Variants in SCHIP1 observed in about 807,000 individuals in gnomAD.
The protein encoded by SCHIP1 is schwannomin-interacting protein 1.
Under a neutral mutation model 29.7 loss-of-function variants are expected in SCHIP1, and 8 were observed. The ratio of observed to expected loss-of-function variants is 0.27; its 90% confidence interval spans 0.16 to 0.49. The LOEUF is 0.49. Among genes scored for constraint, SCHIP1 ranks in the 20% least tolerant of loss-of-function variants. The probability of loss-of-function intolerance (pLI) is 0.99; values close to 1 mark genes in which losing one functional copy is unlikely to be tolerated. For synonymous variants in SCHIP1, 76 were observed against 94.9 expected (o/e 0.80, Z 1.16); for missense variants, 193 against 294.6 (o/e 0.66, Z 2.52).
At chr3:159,852,350 C>A (rs1712759334) in intron 1 of SCHIP1, among the ~76,000 whole-genome samples, 1 of 152,188 alleles carries the variant, frequency 6.6e-6, no homozygotes, top group African/African-American at 2.4e-5. Flanking sequence ...TGACCTATTT[C>A]TCCTGCAAAC....
the SCHIP1 span, among the ~76,000 whole-genome samples, chr3:159,383,672 G>A: frequency 8.4e-6 from 1 of 119,402 alleles, no homozygotes; most frequent in Non-Finnish European, 1.9e-5. Flanking sequence ...GATGGGGATG[G>A]CATTGAATCT....
the SCHIP1 span, among the ~76,000 whole-genome samples, chr3:159,588,758 A>G: frequency 6.6e-6 from 1 of 152,180 alleles, no homozygotes. Context: ...CAGGTTTGTC[A>G]AAGATCATAT....
chr3:159,829,895 G>A, the SCHIP1 span, among the ~76,000 whole-genome samples: 1 of 152,208 alleles, frequency 6.6e-6, no homozygotes, highest in Non-Finnish European at 1.5e-5. Flanking sequence ...TACTGTTATA[G>A]ATTAATGACC....
the SCHIP1 span, among the ~76,000 whole-genome samples, chr3:159,747,188 G>A: frequency 1.3e-5 from 2 of 152,168 alleles, no homozygotes; most frequent in African/African-American, 4.8e-5. Context: ...TCTCCTTAAA[G>A]TAGCACCTCC....
the SCHIP1 span, among the ~76,000 whole-genome samples, chr3:159,490,056 G>A: frequency 1.3e-5 from 2 of 152,234 alleles, no homozygotes; most frequent in African/African-American, 4.8e-5. Context: ...CAATGAGAAT[G>A]TATTCATGTA....
chr3:159,616,466 T>C, the SCHIP1 span, among the ~76,000 whole-genome samples: 1 of 152,178 alleles, frequency 6.6e-6, no homozygotes, highest in African/African-American at 2.4e-5. Context: ...CCTATTCCTC[T>C]TCTGACAGAG....
chr3:159,302,943 C>T, the SCHIP1 span, among the ~76,000 whole-genome samples: 1 of 152,102 alleles, frequency 6.6e-6, no homozygotes, highest in African/African-American at 2.4e-5. Flanking sequence ...GTTGAACACC[C>T]TAATAAGGAA....
At chr3:159,352,318 G>A in the SCHIP1 span, among the ~76,000 whole-genome samples, 1 of 152,122 alleles carries the variant, frequency 6.6e-6, no homozygotes, top group Admixed American at 6.5e-5. Context: ...CTGCATATGC[G>A]ATTTTCACTG....
At chr3:159,483,348 C>A in the SCHIP1 span, among the ~76,000 whole-genome samples, 3 of 152,112 alleles carry the variant, frequency 2.0e-5, no homozygotes, top group Non-Finnish European at 4.4e-5. Context: ...ACGAGAACAA[C>A]CTGAAGGACA....
At chr3:159,443,241 A>G in the SCHIP1 span, among the ~76,000 whole-genome samples, 5 of 152,226 alleles carry the variant, frequency 3.3e-5, no homozygotes, top group Admixed American at 2.0e-4. Flanking sequence ...ACTGGGAGGA[A>G]CATAAATCTT....
chr3:159,594,416 T>A, the SCHIP1 span, among the ~76,000 whole-genome samples: 1 of 152,184 alleles, frequency 6.6e-6, no homozygotes, highest in Admixed American at 6.5e-5. Context: ...GTAAAGTCAA[T>A]TGAAGGAAGT....
chr3:159,805,907 C>T, the SCHIP1 span, among the ~76,000 whole-genome samples: 2 of 150,882 alleles, frequency 1.3e-5, no homozygotes, highest in Middle Eastern at 6.9e-3. Context: ...CTCCCAGGTT[C>T]GAGCAATTCT....
At chr3:159,528,023 A>T in the SCHIP1 span, among the ~76,000 whole-genome samples, 2 of 152,224 alleles carry the variant, frequency 1.3e-5, no homozygotes, top group Admixed American at 6.5e-5. Flanking sequence ...GTCAAATTTT[A>T]TATGTCTATT....
chr3:159,501,673 A>G, the SCHIP1 span, among the ~76,000 whole-genome samples: 3 of 152,230 alleles, frequency 2.0e-5, no homozygotes, highest in Non-Finnish European at 4.4e-5. Context: ...ATGATTACTC[A>G]ATTTCATACA....
the SCHIP1 span, among the ~76,000 whole-genome samples, chr3:159,736,685 T>G: frequency 6.6e-6 from 1 of 151,790 alleles, no homozygotes; most frequent in Non-Finnish European, 1.5e-5. Flanking sequence ...GCACCGGGGC[T>G]GCACTGGGGA....
the SCHIP1 span, among the ~76,000 whole-genome samples, chr3:159,626,244 CTATCTATA>C: frequency 0.013 from 1,147 of 91,688 alleles, 76 homozygotes; most frequent in African/African-American, 0.078. Context: ...ATATATCTAT[CTATCTATA>C]TAGATAGATA....
At chr3:159,420,833 G>A in the SCHIP1 span, among the ~76,000 whole-genome samples, 1 of 152,178 alleles carries the variant, frequency 6.6e-6, no homozygotes, top group African/African-American at 2.4e-5. Flanking sequence ...TGGCCACAGT[G>A]GGCAATTGGT....
At chr3:159,815,742 GT>G in the SCHIP1 span, among the ~76,000 whole-genome samples, 1 of 152,084 alleles carries the variant, frequency 6.6e-6, no homozygotes, top group East Asian at 1.9e-4. Context: ...TCACATGATG[GT>G]GGTGGTCTCC....
At chr3:159,889,793 G>A (rs1032037372) in intron 5 of SCHIP1, among the ~76,000 whole-genome samples, 1 of 152,160 alleles carries the variant, frequency 6.6e-6, no homozygotes, top group Non-Finnish European at 1.5e-5. Context: ...TTGCAGTTAT[G>A]TGAATTTAAA....
Sources: gnomAD v4.1 joint callset for allele counts (sites outside exome capture counted in the v4.1 genomes callset) on GRCh38, gnomAD v4.1.1 for gene constraint, MANE v1.5 for transcripts, NCBI Gene and HGNC (gene_info 2026-07-23, HGNC 2026-07-21) for gene names.